The following DNM3 variants were observed in gnomAD, a reference collection of about 807,000 sequenced individuals.
DNM3 encodes the protein dynamin-3.
A neutral mutation model predicts 101.6 loss-of-function variants in DNM3; 47 were observed. The observed-to-expected ratio is 0.46, with a 90% confidence interval of 0.37 to 0.59. DNM3 has a LOEUF of 0.59. DNM3 is among the 20% of genes least tolerant of loss of function. The probability of loss-of-function intolerance (pLI) is 0.00; values close to 1 mark genes in which losing one functional copy is unlikely to be tolerated. For synonymous variants in DNM3, 385 were observed against 387.9 expected, an observed-to-expected ratio of 0.99 and a Z score of 0.09; for missense variants, 849 against 1,085.7, an observed-to-expected ratio of 0.78 and a Z score of 3.06.
At chr1:172,209,717 AG>A (rs1296357277) in intron 14 of DNM3, among the ~76,000 whole-genome samples, 1 of 152,088 alleles carries the variant, frequency 6.6e-6, no homozygotes, top group Non-Finnish European at 1.5e-5. Flanking sequence ...ATAACCAGTG[AG>A]CCATACATTA....
In DNM3 at chr1:171,883,363, CCACACACACACACACACACACACA is replaced by C. The variant is rs71107337; in HGVS notation, c.162-38357_162-38334del. The stretch of plus-strand genomic sequence containing the variant: ...CCATCTCTAAAAAAACAAAAAAGGA[CCACACACACACACACACACACACA>C]CACACACACACACACACACACACAC... On this transcript the variant is annotated intron_variant, in intron 1 of 20. Coordinates refer to ENST00000627582, the MANE Select transcript of DNM3 (RefSeq NM_015569.5). Among the ~76,000 whole-genome samples, 8 of 119,938 alleles carry C rather than the reference CCACACACACACACACACACACACA, an allele frequency of 6.7e-5. No individual in the cohort carries two copies. The Admixed American group carries it at 6.7e-4, about 10-fold the overall frequency. 78.7% of individuals were successfully genotyped at this position (119,938 alleles called of 152,430 possible). A position where few individuals can be genotyped will look rare whatever the true frequency, so the allele number is the denominator to read the frequency against.
chr1:172,061,887 A>C (rs1265846138), intron 10 of DNM3, among the ~76,000 whole-genome samples: 1 of 151,954 alleles, frequency 6.6e-6, no homozygotes, highest in African/African-American at 2.4e-5. Flanking sequence ...AAATACTTGC[A>C]TTTCACCCCC....
chr1:171,953,148 T>A (rs2125462353), intron 2 of DNM3, among the ~76,000 whole-genome samples: 1 of 152,338 alleles, frequency 6.6e-6, no homozygotes, highest in Non-Finnish European at 1.5e-5. Context: ...CTAACATCTA[T>A]GCCCTCACAC....
intron 2 of DNM3, among the ~76,000 whole-genome samples, chr1:171,933,200 T>G (rs1451559228): frequency 6.6e-6 from 1 of 152,168 alleles, no homozygotes; most frequent in African/African-American, 2.4e-5. Flanking sequence ...TAAGTGAACT[T>G]GTTCATAGAG....
At chr1:172,257,670 G>A (rs962033309) in intron 15 of DNM3, among the ~76,000 whole-genome samples, 8 of 151,828 alleles carry the variant, frequency 5.3e-5, no homozygotes, top group Admixed American at 1.3e-4. Flanking sequence ...AGAGTATTTA[G>A]GATATTCATC....
intron 7 of DNM3, among the ~76,000 whole-genome samples, chr1:172,041,265 G>A (rs976640353): frequency 6.6e-6 from 1 of 152,094 alleles, no homozygotes; most frequent in Non-Finnish European, 1.5e-5. Flanking sequence ...TACAACTGGT[G>A]GCTCCCTGCA....
At chr1:172,091,254 C>G (rs377433337) in intron 12 of DNM3, among the ~76,000 whole-genome samples, 1 of 152,194 alleles carries the variant, frequency 6.6e-6, no homozygotes. Flanking sequence ...GTGAACAAAA[C>G]AGACGCAAAC....
chr1:172,346,828 A>G (rs1333151675), intron 17 of DNM3, among the ~76,000 whole-genome samples: 2 of 152,212 alleles, frequency 1.3e-5, no homozygotes, highest in African/African-American at 4.8e-5. Flanking sequence ...TGCCTCCATC[A>G]TGGTGGCCAA....
chr1:172,345,242 C>G (rs759283504), intron 17 of DNM3, among the ~76,000 whole-genome samples: 4 of 152,150 alleles, frequency 2.6e-5, no homozygotes, highest in Non-Finnish European at 5.9e-5. Flanking sequence ...AGGAATTAAA[C>G]AAAAAGCTTT....
At chr1:171,846,049 TA>T (rs2032038187) in intron 1 of DNM3, among the ~76,000 whole-genome samples, 1 of 152,174 alleles carries the variant, frequency 6.6e-6, no homozygotes, top group South Asian at 2.1e-4. Context: ...TTATAGTTAT[TA>T]GATAAATGGT....
At chr1:172,269,479 A>G (rs1410486010) in intron 15 of DNM3, among the ~76,000 whole-genome samples, 1 of 152,188 alleles carries the variant, frequency 6.6e-6, no homozygotes, top group Non-Finnish European at 1.5e-5. Context: ...ATCAATTCTA[A>G]GAGACATGCT....
chr1:172,320,034 A>T (rs548986683), intron 16 of DNM3, among the ~76,000 whole-genome samples: 84 of 152,002 alleles, frequency 5.5e-4, no homozygotes, highest in African/African-American at 2.0e-3. Context: ...CATATACACC[A>T]TGGAATACTA....
chr1:172,218,052 G>A (rs566078871), intron 14 of DNM3, among the ~76,000 whole-genome samples: 6 of 152,162 alleles, frequency 3.9e-5, no homozygotes, highest in East Asian at 1.9e-4. Flanking sequence ...CTGGTTATCC[G>A]CTATTTAAAA....
At chr1:171,943,182 G>A (rs958454341) in intron 2 of DNM3, among the ~76,000 whole-genome samples, 1 of 152,092 alleles carries the variant, frequency 6.6e-6, no homozygotes, top group Non-Finnish European at 1.5e-5. Context: ...GTGGACACAT[G>A]CCTGGCTTAC....
At chr1:172,320,325 A>G (rs2065642503) in intron 16 of DNM3, among the ~76,000 whole-genome samples, 3 of 151,718 alleles carry the variant, frequency 2.0e-5, no homozygotes, top group South Asian at 4.2e-4. Context: ...TGGCACATGT[A>G]TACATATGTA....
chr1:172,032,538 T>A, intron 5 of DNM3, 38 bp downstream of exon 5: 1 of 1,255,234 alleles, frequency 8.0e-7, no homozygotes, highest in Non-Finnish European at 1.1e-6. Flanking sequence ...TTTTTTTTTT[T>A]TTTTTTTTTT....
At chr1:171,850,456 T>C (rs951296513) in intron 1 of DNM3, among the ~76,000 whole-genome samples, 2 of 152,200 alleles carry the variant, frequency 1.3e-5, no homozygotes, top group Admixed American at 6.5e-5. Flanking sequence ...TTATGTTTTC[T>C]GGTTAATAAA....
At chr1:171,954,601 G>A (rs772612271) in intron 2 of DNM3, among the ~76,000 whole-genome samples, 2 of 152,172 alleles carry the variant, frequency 1.3e-5, no homozygotes, top group Non-Finnish European at 2.9e-5. Context: ...CAGCTGATAC[G>A]CAGTTCCCTC....
intron 13 of DNM3, among the ~76,000 whole-genome samples, chr1:172,122,888 C>T (rs2056404517): frequency 6.6e-6 from 1 of 152,124 alleles, no homozygotes; most frequent in Admixed American, 6.5e-5. Context: ...TCATTTTCCT[C>T]ACCTATCGGG....
Sources: gnomAD v4.1 joint callset for allele counts (sites outside exome capture counted in the v4.1 genomes callset) on GRCh38, gnomAD v4.1.1 for gene constraint, MANE v1.5 for transcripts, NCBI Gene and HGNC (gene_info 2026-07-23, HGNC 2026-07-21) for gene names.